HECW2: variants seen among roughly 807,000 people sequenced by gnomAD.
HECW2 encodes the protein E3 ubiquitin-protein ligase HECW2.
Under a neutral mutation model 175.2 loss-of-function variants are expected in HECW2, and 61 were observed. That is an observed-to-expected ratio of 0.35 (90% CI 0.28 to 0.43). The LOEUF is 0.43. Among genes scored for constraint, HECW2 ranks in the 20% least tolerant of loss-of-function variants. The pLI is 1.00. For missense variants in HECW2, 1,524 were observed against 2,000.5 expected (o/e 0.76, Z 4.54); for synonymous variants, 671 against 731.0 (o/e 0.92, Z 1.32).
At chr2:196,404,948 C>T (rs967934534) in intron 2 of HECW2, among the ~76,000 whole-genome samples, 1 of 150,044 alleles carries the variant, frequency 6.7e-6, no homozygotes, top group African/African-American at 2.5e-5. Flanking sequence ...CCTCAGCCTC[C>T]CAAGTAGCTG....
At chr2:196,504,482 G>C (rs1575612804) in intron 1 of HECW2, among the ~76,000 whole-genome samples, 1 of 152,022 alleles carries the variant, frequency 6.6e-6, no homozygotes, top group African/African-American at 2.4e-5. Flanking sequence ...TGGCAGGGAG[G>C]CTGCCTCACA....
chr2:196,553,134 G>A lies in HECW2; in HGVS notation c.-36+40374C>T, dbSNP rs184247627. Among the ~76,000 whole-genome samples, 39 of 152,302 alleles carry A rather than the reference G, an allele frequency of 2.6e-4. 1 individual carries two copies. The highest frequency in any genetic ancestry group is 2.5e-3 in the Admixed American group (39 of 15,300). The stretch of plus-strand genomic sequence containing the variant: ...GGAATCAAATTTAAATGAGCTAGAG[G>A]CTAATAAATTATTTTTGCTAGTCAC... On this transcript the variant is annotated intron_variant, in intron 1 of 28. Transcript: ENST00000644978.
At chr2:196,587,003 T>C (rs570947530) in intron 1 of HECW2, among the ~76,000 whole-genome samples, 1 of 152,346 alleles carries the variant, frequency 6.6e-6, no homozygotes, top group Admixed American at 6.5e-5. Context: ...CAATAACTTC[T>C]GGTTTCTCTC....
intron 1 of HECW2, among the ~76,000 whole-genome samples, chr2:196,459,488 T>C (rs901922742): frequency 3.3e-5 from 5 of 151,698 alleles, no homozygotes; most frequent in Non-Finnish European, 7.4e-5. Context: ...ACAGACCCCC[T>C]GTTAGCCAAG....
intron 3 of HECW2, among the ~76,000 whole-genome samples, chr2:196,335,771 T>C (rs1410985731): frequency 1.3e-5 from 2 of 152,208 alleles, no homozygotes; most frequent in African/African-American, 4.8e-5. Context: ...TATCCAATAA[T>C]TCATAATTTA....
intron 1 of HECW2, among the ~76,000 whole-genome samples, chr2:196,533,483 G>A (rs997583483): frequency 3.3e-5 from 5 of 152,014 alleles, no homozygotes; most frequent in Admixed American, 3.3e-4. Context: ...GTGTGGGGGG[G>A]TATCTTTTAT....
chr2:196,203,476 A>G (rs959647777), intron 28 of HECW2, among the ~76,000 whole-genome samples: 8 of 152,196 alleles, frequency 5.3e-5, no homozygotes, highest in South Asian at 4.1e-4. Flanking sequence ...AAAGTAGAAT[A>G]CGTTTTGAAT....
At chr2:196,420,032 G>A (rs1380309824) in intron 2 of HECW2, among the ~76,000 whole-genome samples, 1 of 152,084 alleles carries the variant, frequency 6.6e-6, no homozygotes, top group Middle Eastern at 3.2e-3. Flanking sequence ...TTTGACTGTT[G>A]TTTTACACAT....
At chr2:196,515,954 T>A (rs745356428) in intron 1 of HECW2, among the ~76,000 whole-genome samples, 151 of 141,520 alleles carry the variant, frequency 1.1e-3, no homozygotes, top group Non-Finnish European at 1.0e-3. Context: ...CGAAACCACC[T>A]CTCTACTAAA....
intron 13 of HECW2, among the ~76,000 whole-genome samples, chr2:196,296,487 G>T (rs1690819071): frequency 6.6e-6 from 1 of 152,178 alleles, no homozygotes; most frequent in Admixed American, 6.5e-5. Context: ...AACAGATAAA[G>T]AAAGTGGCAA....
At chr2:196,241,057 A>G (rs572907474) in intron 20 of HECW2, among the ~76,000 whole-genome samples, 1 of 152,320 alleles carries the variant, frequency 6.6e-6, no homozygotes, top group African/African-American at 2.4e-5. Flanking sequence ...GGAGTTTCCA[A>G]TTGTTAATTG....
At chr2:196,559,874 A>T (rs1316464582) in intron 1 of HECW2, among the ~76,000 whole-genome samples, 3 of 152,224 alleles carry the variant, frequency 2.0e-5, no homozygotes, top group Non-Finnish European at 4.4e-5. Context: ...AACAATGTAC[A>T]ATAAATATCT....
intron 1 of HECW2, among the ~76,000 whole-genome samples, chr2:196,475,723 T>G (rs1164138451): frequency 6.6e-6 from 1 of 152,244 alleles, no homozygotes; most frequent in African/African-American, 2.4e-5. Flanking sequence ...ACTCATCAGC[T>G]TAATTGGCCT....
At chr2:196,564,515 T>C (rs1226632902) in intron 1 of HECW2, among the ~76,000 whole-genome samples, 1 of 152,208 alleles carries the variant, frequency 6.6e-6, no homozygotes, top group African/African-American at 2.4e-5. Flanking sequence ...AACTTATTTT[T>C]AAAAGCTTTC....
chr2:196,476,894 TG>T (rs896775053), intron 1 of HECW2, among the ~76,000 whole-genome samples: 1 of 134,348 alleles, frequency 7.4e-6, no homozygotes, highest in Non-Finnish European at 1.5e-5. Context: ...GAGGATCACT[TG>T]AGGCCAGGAG....
chr2:196,352,595 G>T (rs1559061133), intron 2 of HECW2, among the ~76,000 whole-genome samples: 1 of 151,472 alleles, frequency 6.6e-6, no homozygotes, highest in Non-Finnish European at 1.5e-5. Context: ...CAAGCAGGGA[G>T]CCAACTGGAG....
rs953112407 is a variant in HECW2, at chr2:196,499,761, A to T, written c.-35-66303T>A. Among the ~76,000 whole-genome samples the T allele has an allele frequency of 5.3e-5, 8 of 152,236 alleles. No homozygotes were observed. The East Asian group carries it at 1.5e-3, about 29-fold the overall frequency. ...AGGGACAAAAATTAGTTCAGAAAGT[A>T]CTTACTATAAACTAAACATTGATGT... is the stretch of plus-strand genomic sequence containing the variant. On this transcript the variant is annotated intron_variant, in intron 1 of 28. Transcript: ENST00000644978.
At chr2:196,447,717 C>T (rs1696227466) in intron 1 of HECW2, among the ~76,000 whole-genome samples, 1 of 152,152 alleles carries the variant, frequency 6.6e-6, no homozygotes, top group Non-Finnish European at 1.5e-5. Context: ...ATTGTGCTAT[C>T]ACACAGTTTT....
chr2:196,503,599 G>A (rs1052242809), intron 1 of HECW2, among the ~76,000 whole-genome samples: 1 of 152,132 alleles, frequency 6.6e-6, no homozygotes, highest in African/African-American at 2.4e-5. Context: ...AGCAGCAAAG[G>A]GAAGGGAAAC....
Sources: gnomAD v4.1 joint callset for allele counts (sites outside exome capture counted in the v4.1 genomes callset) on GRCh38, gnomAD v4.1.1 for gene constraint, MANE v1.5 for transcripts, NCBI Gene and HGNC (gene_info 2026-07-23, HGNC 2026-07-21) for gene names.